Variants in ANKRD6 observed in about 807,000 individuals in gnomAD.
ANKRD6 encodes ankyrin repeat domain 6.
ANKRD6 carries 56 observed loss-of-function variants against 82.3 expected under a neutral mutation model. That is an observed-to-expected ratio of 0.68 (90% CI 0.55 to 0.85). ANKRD6 has a LOEUF of 0.85. ANKRD6 is among the 40% of genes least tolerant of loss of function. The pLI, the probability that ANKRD6 is intolerant of heterozygous loss-of-function variation, is 0.00. For missense variants in ANKRD6, 852 were observed against 907.6 expected (o/e 0.94, Z 0.79); for synonymous variants, 347 against 352.1 (o/e 0.99, Z 0.16).
At chr6:89,538,853 C>T (rs1299823036) in intron 1 of ANKRD6, among the ~76,000 whole-genome samples, 1 of 151,884 alleles carries the variant, frequency 6.6e-6, no homozygotes, top group Admixed American at 6.6e-5. Context: ...TTAATACTTT[C>T]ATGCAAAGAA....
intron 2 of ANKRD6, among the ~76,000 whole-genome samples, chr6:89,591,262 C>T (rs150682002): frequency 1.3e-5 from 2 of 152,252 alleles, no homozygotes; most frequent in South Asian, 2.1e-4. Context: ...CAAAACAACA[C>T]TCAGCTAATT....
intron 1 of ANKRD6, among the ~76,000 whole-genome samples, chr6:89,511,081 C>G (rs991257643): frequency 1.3e-5 from 2 of 152,198 alleles, no homozygotes; most frequent in African/African-American, 4.8e-5. Context: ...CTACCCTTGA[C>G]ATGGGGTAAG....
chr6:89,601,720 C>A (rs575201064), intron 3 of ANKRD6: 1 of 152,064 alleles, frequency 6.6e-6, no homozygotes, highest in Non-Finnish European at 1.5e-5. Flanking sequence ...TGTTGTGCAA[C>A]CATCACCACC....
At chr6:89,545,962 G>A (rs372162995) in intron 1 of ANKRD6, among the ~76,000 whole-genome samples, 3 of 152,024 alleles carry the variant, frequency 2.0e-5, no homozygotes, top group East Asian at 1.9e-4. Flanking sequence ...CCACCACCAC[G>A]CCTGGTAATT....
At chr6:89,453,934 T>C (rs1231295098) in intron 1 of ANKRD6, among the ~76,000 whole-genome samples, 3 of 151,952 alleles carry the variant, frequency 2.0e-5, no homozygotes, top group East Asian at 1.9e-4. Context: ...CCGGAGTAGC[T>C]GGGACTACAG....
At chr6:89,467,553 C>A (rs1774988159) in intron 1 of ANKRD6, among the ~76,000 whole-genome samples, 2 of 152,172 alleles carry the variant, frequency 1.3e-5, no homozygotes, top group African/African-American at 4.8e-5. Context: ...ATGCACTGTA[C>A]TTTTCAGTAG....
chr6:89,492,445 G>A (rs894012866), intron 1 of ANKRD6, among the ~76,000 whole-genome samples: 9 of 152,186 alleles, frequency 5.9e-5, no homozygotes, highest in African/African-American at 1.2e-4. Context: ...TGTTACCCAG[G>A]TGGCTGTACT....
rs1447188574 is a variant in ANKRD6 at position 89,603,111 on chromosome 6, T to C, written c.302T>C (p.Leu101Pro). Residue 101 changes from leucine to proline, a missense_variant, in exon 4 of 16, where the codon CTG (leucine) becomes CCG (proline). Leu to Pro is a moderately conservative substitution (Grantham distance 98). Coordinates refer to ENST00000339746, the MANE Select transcript of ANKRD6 (RefSeq NM_001242809.2). ...IAALIHEGCALDRQDKDGNTA... is the reference protein window; with the variant it reads ...IAALIHEGCAPDRQDKDGNTA... ...GCGCTCATCCACGAAGGGTGTGCCCTGGACAGACAAGACAAGGTGAGTGGA... is the reference window on the plus strand; with the variant it reads ...GCGCTCATCCACGAAGGGTGTGCCCCGGACAGACAAGACAAGGTGAGTGGA... The C allele has an allele frequency of 6.2e-7, 1 of 1,604,564 alleles. No homozygotes were observed. Among genetic ancestry groups the C allele is most frequent in the Non-Finnish European group, 8.5e-7 (1 of 1,175,994 alleles).
At chr6:89,448,813 G>A (rs1264854500) in intron 1 of ANKRD6, among the ~76,000 whole-genome samples, 1 of 152,010 alleles carries the variant, frequency 6.6e-6, no homozygotes, top group South Asian at 2.1e-4. Flanking sequence ...GGCGGATCAC[G>A]AGGTCAGGAG....
chr6:89,558,667 G>T (rs1786960269), intron 1 of ANKRD6, among the ~76,000 whole-genome samples: 1 of 152,108 alleles, frequency 6.6e-6, no homozygotes, highest in Non-Finnish European at 1.5e-5. Context: ...TTATTCATTT[G>T]TCAAAACCCA....
At position 89,443,956 on chromosome 6, in the gene ANKRD6, A is replaced by G. The variant is rs536964568; in HGVS notation, c.-144+10581A>G. Among the ~76,000 whole-genome samples the G allele has an allele frequency of 3.3e-4, 50 of 152,378 alleles. No individual in the cohort carries two copies. In the South Asian group the frequency reaches 0.01, roughly 31 times the overall value. ...CTTCGCTTCCGAATAGAAATGATAG[A>G]AAAAGTTGGCACTGGGGCTTTAGTG... is the stretch of plus-strand genomic sequence containing the variant. On this transcript the variant is annotated intron_variant, in intron 1 of 15. Coordinates refer to ENST00000339746, the MANE Select transcript of ANKRD6 (RefSeq NM_001242809.2).
At chr6:89,533,293 C>A (rs753122963) in intron 1 of ANKRD6, among the ~76,000 whole-genome samples, 1 of 152,098 alleles carries the variant, frequency 6.6e-6, no homozygotes, top group Admixed American at 6.5e-5. Context: ...GACTGAGGCC[C>A]GGAGAGGTTA....
intron 3 of ANKRD6, among the ~76,000 whole-genome samples, chr6:89,596,232 T>A (rs781584754): frequency 6.6e-6 from 1 of 152,046 alleles, no homozygotes; most frequent in Non-Finnish European, 1.5e-5. Context: ...GTGGGGTGGT[T>A]CTCCATCATG....
chr6:89,566,859 G>T lies in ANKRD6; in HGVS notation c.-118G>T. The stretch of plus-strand genomic sequence containing the variant: ...GTCCCGAAGATGGCATATTCATAAA[G>T]ACATCTTCTGATGATTGTGAACATC... On this transcript the variant is annotated 5_prime_UTR_variant, in exon 2 of 16. Coordinates refer to ENST00000339746, the MANE Select transcript of ANKRD6 (RefSeq NM_001242809.2). The T allele has an allele frequency of 1.4e-6, 2 of 1,389,082 alleles. No individual in the cohort carries two copies. Among genetic ancestry groups the T allele is most frequent in the Non-Finnish European group, 2.0e-6 (2 of 1,025,040 alleles). The allele number at this position is 1,389,082 out of a possible 1,614,324, so 86.0% of individuals were successfully genotyped here.
intron 1 of ANKRD6, among the ~76,000 whole-genome samples, chr6:89,532,947 C>T (rs913327889): frequency 1.3e-4 from 20 of 151,444 alleles, no homozygotes; most frequent in Non-Finnish European, 2.5e-4. Flanking sequence ...GATCTTGGCT[C>T]ACTGCAACCT....
chr6:89,547,941 A>G (rs771237935), intron 1 of ANKRD6, among the ~76,000 whole-genome samples: 17 of 152,192 alleles, frequency 1.1e-4, no homozygotes, highest in Non-Finnish European at 1.9e-4. Context: ...TGAGGCTTAC[A>G]GGGCTTCAAT....
At chr6:89,629,800 A>G (rs1806942276) in intron 15 of ANKRD6, among the ~76,000 whole-genome samples, 1 of 152,224 alleles carries the variant, frequency 6.6e-6, no homozygotes, top group Non-Finnish European at 1.5e-5. Context: ...ACTAGGCCTC[A>G]GTGGGGGATT....
intron 1 of ANKRD6, among the ~76,000 whole-genome samples, chr6:89,522,311 T>A (rs1026502318): frequency 6.6e-6 from 1 of 152,224 alleles, no homozygotes; most frequent in African/African-American, 2.4e-5. Context: ...TGTTAGGGGC[T>A]TTTTGAGGCT....
rs1801627577 is a variant in ANKRD6 at position 89,616,539 on chromosome 6, G to A, written c.616-20G>A. ...GGCCATGAGCAGATGAGGTTTAGCA[G>A]ACCTTCTAATCAATTCCAGGCTGGA... is the stretch of plus-strand genomic sequence containing the variant. On this transcript the variant is annotated intron_variant, in intron 7 of 15. Transcript: ENST00000339746. 1 of 1,613,010 alleles carries A rather than the reference G, an allele frequency of 6.2e-7. No individual in the cohort carries two copies. The highest frequency in any genetic ancestry group is 1.3e-5 in the African/African-American group (1 of 74,918).
Sources: gnomAD v4.1 joint callset for allele counts (sites outside exome capture counted in the v4.1 genomes callset) on GRCh38, gnomAD v4.1.1 for gene constraint, MANE v1.5 for transcripts, NCBI Gene and HGNC (gene_info 2026-07-23, HGNC 2026-07-21) for gene names.